TFAP2C: variants seen among roughly 807,000 people sequenced by gnomAD.
The protein encoded by TFAP2C is activating enhancer-binding protein 2 gamma.
TFAP2C carries 9 observed loss-of-function variants against 42.9 expected under a neutral mutation model. That is an observed-to-expected ratio of 0.21 (90% CI 0.13 to 0.37). The LOEUF is 0.37. Ranked by LOEUF, TFAP2C falls within the 10% of genes least tolerant of loss-of-function variation. TFAP2C has a pLI of 1.00. For synonymous variants in TFAP2C, 264 were observed against 256.0 expected (o/e 1.03, Z -0.30); for missense variants, 462 against 591.7 (o/e 0.78, Z 2.27).
In TFAP2C at chr20:56,631,312, C is replaced by T. The variant is rs1376732358; in HGVS notation, c.156C>T (p.Ala52=). The T allele has an allele frequency of 6.2e-6, 10 of 1,608,464 alleles. No individual in the cohort carries two copies. The highest frequency in any genetic ancestry group is 1.1e-5 in the South Asian group (1 of 89,912). ...PAPPLSHTGV[A]EYQPPPYFPP... ...CACCCCTCTCCCACACTGGAGTCGC[C>T]GAATATCAGCCGCCACCCTACTTTC... Residue 52 remains alanine (A), a synonymous_variant, in exon 2 of 7, where the codon GCC becomes GCT. Coordinates refer to ENST00000201031, the MANE Select transcript of TFAP2C (RefSeq NM_003222.4). The surrounding 1 kb of genome is among the most constrained non-coding windows in gnomAD (Gnocchi z 6.1).
intron 6 of TFAP2C, 53 bp downstream of exon 6, chr20:56,636,807 T>C: frequency 6.4e-7 from 1 of 1,554,934 alleles, no homozygotes; most frequent in Non-Finnish European, 8.7e-7. Context: ...GACCTTGAGG[T>C]TGAGAAGATT....
intron 4 of TFAP2C, 128 bp downstream of exon 4, chr20:56,633,697 T>C (rs954144490): frequency 4.2e-6 from 3 of 718,596 alleles, no homozygotes; most frequent in South Asian, 3.7e-5. Flanking sequence ...GGTTAGAGTT[T>C]TAGTACATTT....
intron 6 of TFAP2C, among the ~76,000 whole-genome samples, chr20:56,637,500 A>C (rs560906553): frequency 6.6e-6 from 1 of 152,344 alleles, no homozygotes; most frequent in East Asian, 1.9e-4. Context: ...TGTCTTTTCT[A>C]ATTGCAGTGA....
In TFAP2C at chr20:56,631,749, C is replaced by A. The variant is rs1443248383; in HGVS notation, c.535-56C>A. ...TCACCCTACGGCCTTCTGCCCCCAC[C>A]CCGCACTCCTCTAGGCTCCCCCGAA... On this transcript the variant is annotated intron_variant, in intron 2 of 6. Coordinates refer to ENST00000201031, the MANE Select transcript of TFAP2C (RefSeq NM_003222.4). This position sits in a 1 kb window ranked among gnomAD's most constrained non-coding sequence, Gnocchi z 6.1. The A allele has an allele frequency of 3.7e-6, 6 of 1,613,280 alleles. No individual in the cohort carries two copies. Among genetic ancestry groups the A allele is most frequent in the African/African-American group, 2.7e-5 (2 of 74,922 alleles).
In TFAP2C at chr20:56,630,436, G is replaced by T. The variant is rs1987465912; in HGVS notation, c.49-769G>T. 4.9e-6 allele frequency: 2 copies of T among 410,886 alleles called. No individual in the cohort carries two copies. The allele number at this position is 410,886 out of a possible 1,614,324, so 25.5% of individuals were successfully genotyped here. On this transcript the variant is annotated intron_variant, in intron 1 of 6. Transcript: ENST00000201031. This position sits in a 1 kb window ranked among gnomAD's most constrained non-coding sequence, Gnocchi z 5.1. The stretch of plus-strand genomic sequence containing the variant: ...CATCCTTTAGAAACTGAGTCGGGCC[G>T]CCCAGGGGCGAGGGAACGTGCGCGG...
rs559156622 is a variant in TFAP2C, at chr20:56,629,476, G to C, written c.-69G>C. Reference sequence around the variant, plus strand: ...CCTGGTCACCGTGACCCCGATTTTGGATTTACCGCTTGGGGGCTGGGGGGA... The same window carrying C: ...CCTGGTCACCGTGACCCCGATTTTGCATTTACCGCTTGGGGGCTGGGGGGA... On this transcript the variant is annotated 5_prime_UTR_variant, in exon 1 of 7. Transcript: ENST00000201031. The surrounding 1 kb of genome is among the most constrained non-coding windows in gnomAD (Gnocchi z 5.9). 88 of 1,329,132 alleles carry C rather than the reference G, an allele frequency of 6.6e-5. No homozygotes were observed. The highest frequency in any genetic ancestry group is 1.8e-4 in the Admixed American group (6 of 33,844). The allele number at this position is 1,329,132 out of a possible 1,614,324, so 82.3% of individuals were successfully genotyped here.
At chr20:56,633,102 G>A (rs1438840886) in intron 3 of TFAP2C, among the ~76,000 whole-genome samples, 2 of 152,036 alleles carry the variant, frequency 1.3e-5, no homozygotes, top group East Asian at 3.9e-4. Context: ...GTGGGCACCT[G>A]CTGGAGAATT....
intron 3 of TFAP2C, among the ~76,000 whole-genome samples, chr20:56,632,747 C>T (rs1426492614): frequency 1.3e-5 from 2 of 151,600 alleles, no homozygotes; most frequent in East Asian, 1.9e-4. Context: ...AAAAACTCAC[C>T]GTTTATTTAG....
chr20:56,631,543 C>A lies in TFAP2C; in HGVS notation c.387C>A (p.Ser129=), dbSNP rs1333644129. 6.5e-6 allele frequency: 10 copies of A among 1,530,688 alleles called. No individual in the cohort carries two copies. The South Asian group carries it at 1.1e-4, about 17-fold the overall frequency. The allele number at this position is 1,530,688 out of a possible 1,614,324, so 94.8% of individuals were successfully genotyped here. Residue 129 remains serine (S), a synonymous_variant, in exon 2 of 7, where the codon TCC becomes TCA. Transcript: ENST00000201031. The surrounding 1 kb of genome is among the most constrained non-coding windows in gnomAD (Gnocchi z 6.1). ...GRPAGLLPHL[S]GLEAGAVSAR... ...CGGCCGGCCTACTGCCCCACCTCTCCGGGCTGGAGGCGGGCGCGGTGAGCG... is the reference window on the plus strand; with the variant it reads ...CGGCCGGCCTACTGCCCCACCTCTCAGGGCTGGAGGCGGGCGCGGTGAGCG...
In TFAP2C at chr20:56,631,238, C is replaced by T. The variant is rs1476521547; in HGVS notation, c.82C>T (p.Arg28Trp). 6.4e-7 allele frequency: 1 copy of T among 1,562,328 alleles called. No individual in the cohort carries two copies. The highest frequency in any genetic ancestry group is 8.7e-7 in the Non-Finnish European group (1 of 1,156,024). The stretch of plus-strand genomic sequence containing the variant: ...CGACGGGAGCAGCAATGGGAATCCG[C>T]GGGTCCCCCACCTCTCCTCCGCCGG... The part of the protein sequence containing the change: ...RHDGSSNGNP[R>W]VPHLSSAGQH... Residue 28 changes from arginine (R) to tryptophan (W), a missense_variant, in exon 2 of 7, where the codon CGG becomes TGG. By Grantham distance (101) the Arg-to-Trp change is moderately radical. Around this residue, in one of 5 missense-constraint regions of TFAP2C, gnomAD observed 271 missense variants for 269.7 expected, o/e 1.00. Coordinates refer to ENST00000201031, the MANE Select transcript of TFAP2C (RefSeq NM_003222.4). The surrounding 1 kb of genome is among the most constrained non-coding windows in gnomAD (Gnocchi z 6.1).
rs1040811216 is a variant in TFAP2C at position 56,630,704 on chromosome 20, G to A, written c.49-501G>A. ...TTGTCCCGAGGGCGTGGAAGGGAGG[G>A]TCCCGGGGGCGGGGGAGGTGCGCAT... is the stretch of plus-strand genomic sequence containing the variant. On this transcript the variant is annotated intron_variant, in intron 1 of 6. Transcript: ENST00000201031. The surrounding 1 kb of genome is among the most constrained non-coding windows in gnomAD (Gnocchi z 5.1). 8 of 985,222 alleles carry A rather than the reference G, an allele frequency of 8.1e-6. No homozygotes were observed. The South Asian group carries it at 2.8e-4, about 35-fold the overall frequency. 61.0% of individuals were successfully genotyped at this position (985,222 alleles called of 1,614,324 possible).
In TFAP2C at chr20:56,631,642, C is replaced by T. The variant is rs1349819003; in HGVS notation, c.486C>T (p.Ala162=). The change falls in exon 2 of 7, where the codon GCC becomes GCT. Residue 162 remains alanine, a synonymous_variant. Coordinates refer to ENST00000201031, the MANE Select transcript of TFAP2C (RefSeq NM_003222.4). The surrounding 1 kb of genome is among the most constrained non-coding windows in gnomAD (Gnocchi z 6.1). Reference sequence around the variant, plus strand: ...ACGCCCTGGATGCCGCGGGCCTGGCCGAGAACCTGGGGCTCCACGACATGC... The same window carrying T: ...ACGCCCTGGATGCCGCGGGCCTGGCTGAGAACCTGGGGCTCCACGACATGC... The part of the protein sequence containing the change: ...HAHALDAAGL[A]ENLGLHDMPH... The T allele has an allele frequency of 1.3e-6, 2 of 1,580,292 alleles. No homozygotes were observed. The highest frequency in any genetic ancestry group is 1.7e-6 in the Non-Finnish European group (2 of 1,168,908).
Position 56,631,782 on chromosome 20 carries a change from G to C in TFAP2C, c.535-23G>C, listed in dbSNP as rs758263651. 1 of 1,614,146 alleles carries C rather than the reference G, an allele frequency of 6.2e-7. No homozygotes were observed. Among genetic ancestry groups the C allele is most frequent in the Non-Finnish European group, 8.5e-7 (1 of 1,180,034 alleles). ...CCTCTAGGCTCCCCCGAACTTAAGG[G>C]AATTTTGTCCTCTCTCCCCCAGAAT... is the stretch of plus-strand genomic sequence containing the variant. On this transcript the variant is annotated intron_variant, in intron 2 of 6. Transcript: ENST00000201031. This position sits in a 1 kb window ranked among gnomAD's most constrained non-coding sequence, Gnocchi z 6.1.
intron 6 of TFAP2C, 108 bp from the exon 7 acceptor site, chr20:56,637,620 A>G: frequency 1.0e-6 from 1 of 978,460 alleles, no homozygotes; most frequent in Non-Finnish European, 1.5e-6. Context: ...CTCGGGTTGA[A>G]GCAGTTGTGC....
In TFAP2C at chr20:56,631,040, C is replaced by T. The variant is rs540246227; in HGVS notation, c.49-165C>T. ...CCGCACTCTTTGCTTACAACGAAAT[C>T]CTCGGGGCGCATTGCCCCCGGGTAC... is the stretch of plus-strand genomic sequence containing the variant. On this transcript the variant is annotated intron_variant, in intron 1 of 6. Coordinates refer to ENST00000201031, the MANE Select transcript of TFAP2C (RefSeq NM_003222.4). The surrounding 1 kb of genome is among the most constrained non-coding windows in gnomAD (Gnocchi z 6.1). 3 of 985,352 alleles carry T rather than the reference C, an allele frequency of 3.0e-6. No individual in the cohort carries two copies. Among genetic ancestry groups the T allele is most frequent in the Non-Finnish European group, 3.6e-6 (3 of 829,866 alleles). 61.0% of individuals were successfully genotyped at this position (985,352 alleles called of 1,614,324 possible).
At position 56,638,116 on chromosome 20, in the gene TFAP2C, TTG is replaced by T; in HGVS notation, c.*105_*106del. On this transcript the variant is annotated 3_prime_UTR_variant, in exon 7 of 7. Transcript: ENST00000201031. ...ACCCCTCCTGGCCTGGGGGAAGAGT[TTG>T]TTACCTACCTTACTATTTAAAGAGC... The T allele has an allele frequency of 9.6e-7, 1 of 1,037,300 alleles. No individual in the cohort carries two copies. Among genetic ancestry groups the T allele is most frequent in the South Asian group, 1.7e-5 (1 of 59,780 alleles). The allele number at this position is 1,037,300 out of a possible 1,614,324, so 64.3% of individuals were successfully genotyped here.
chr20:56,630,257 C>T lies in TFAP2C; in HGVS notation c.48+665C>T. 1 of 308,534 alleles carries T rather than the reference C, an allele frequency of 3.2e-6. No homozygotes were observed. The highest frequency in any genetic ancestry group is 6.7e-6 in the Non-Finnish European group (1 of 149,778). 19.1% of individuals were successfully genotyped at this position (308,534 alleles called of 1,614,324 possible). A position where few individuals can be genotyped will look rare whatever the true frequency, so the allele number is the denominator to read the frequency against. On this transcript the variant is annotated intron_variant, in intron 1 of 6. Coordinates refer to ENST00000201031, the MANE Select transcript of TFAP2C (RefSeq NM_003222.4). The surrounding 1 kb of genome is among the most constrained non-coding windows in gnomAD (Gnocchi z 5.1). ...GGCGAGCTCAGGGGCGCCGGGAGCG[C>T]GGAGCTCGGGCTACGGACTCGCGGG...
intron 4 of TFAP2C, 116 bp downstream of exon 4, chr20:56,633,685 C>A: frequency 1.3e-6 from 1 of 776,420 alleles, no homozygotes; most frequent in Admixed American, 2.4e-5. Flanking sequence ...GAATTCTAAT[C>A]GGGTTAGAGT....
rs962580466 is a variant in TFAP2C at position 56,639,025 on chromosome 20, A to G, written c.*1012A>G. ...ACACATCATAAGGTTTTATTCATAT[A>G]TATACAGGGTATTAAGAATTAAGAG... On this transcript the variant is annotated 3_prime_UTR_variant, in exon 7 of 7. Coordinates refer to ENST00000201031, the MANE Select transcript of TFAP2C (RefSeq NM_003222.4). The G allele has an allele frequency of 3.3e-5, 5 of 152,596 alleles. No individual in the cohort carries two copies. The highest frequency in any genetic ancestry group is 1.5e-5 in the Non-Finnish European group (1 of 68,034). 9.5% of individuals were successfully genotyped at this position (152,596 alleles called of 1,614,324 possible). A position where few individuals can be genotyped will look rare whatever the true frequency, so the allele number is the denominator to read the frequency against.
Sources: allele counts gnomAD v4.1 joint callset (sites outside exome capture counted in the v4.1 genomes callset), GRCh38; gene constraint gnomAD v4.1.1; regional missense constraint gnomAD v4.1.1; non-coding constraint Gnocchi (gnomAD v3.1); transcripts MANE v1.5; gene names NCBI Gene and HGNC (gene_info 2026-07-23, HGNC 2026-07-21).